ENTREP2: variants seen among roughly 807,000 people sequenced by gnomAD.
ENTREP2 encodes protein ENTREP2.
the ENTREP2 span, among the ~76,000 whole-genome samples, chr15:29,249,954 G>A: frequency 1.4e-4 from 21 of 152,066 alleles, no homozygotes; most frequent in South Asian, 4.1e-4. Context: ...ACCAGCTCTC[G>A]TGAGAACTCA....
the ENTREP2 span, among the ~76,000 whole-genome samples, chr15:29,141,525 C>T: frequency 2.6e-5 from 4 of 152,172 alleles, no homozygotes; most frequent in African/African-American, 4.8e-5. Context: ...CACCGTGGAG[C>T]TCTGAGCTGC....
At chr15:29,175,685 AC>A in the ENTREP2 span, among the ~76,000 whole-genome samples, 1 of 152,116 alleles carries the variant, frequency 6.6e-6, no homozygotes, top group Admixed American at 6.5e-5. Context: ...GCTCACAGCA[AC>A]CTCCACCTCC....
chr15:29,419,452 GA>G, the ENTREP2 span, among the ~76,000 whole-genome samples: 1 of 151,378 alleles, frequency 6.6e-6, no homozygotes, highest in Non-Finnish European at 1.5e-5. Context: ...ACCTAAGGAG[GA>G]AAAAAAAATT....
the ENTREP2 span, among the ~76,000 whole-genome samples, chr15:29,534,509 A>T: frequency 6.6e-6 from 1 of 152,226 alleles, no homozygotes; most frequent in Non-Finnish European, 1.5e-5. Context: ...ATACTTCTTA[A>T]ATGTCTATAA....
At chr15:29,128,328 C>T in the ENTREP2 span, among the ~76,000 whole-genome samples, 1 of 152,152 alleles carries the variant, frequency 6.6e-6, no homozygotes, top group Non-Finnish European at 1.5e-5. Context: ...CCCTTGCACA[C>T]GTGTCCTTCA....
chr15:29,608,789 G>A, the ENTREP2 span, among the ~76,000 whole-genome samples: 2 of 151,478 alleles, frequency 1.3e-5, no homozygotes, highest in South Asian at 4.2e-4. Flanking sequence ...GGATGGTCTC[G>A]ATCTCCTGAC....
At chr15:29,607,619 C>T in the ENTREP2 span, among the ~76,000 whole-genome samples, 1 of 152,098 alleles carries the variant, frequency 6.6e-6, no homozygotes, top group South Asian at 2.1e-4. Context: ...TGTCTCTCTG[C>T]CATGACTTGT....
At chr15:29,142,989 T>C in the ENTREP2 span, among the ~76,000 whole-genome samples, 1 of 152,216 alleles carries the variant, frequency 6.6e-6, no homozygotes, top group African/African-American at 2.4e-5. Flanking sequence ...CATATTAGAG[T>C]AGCTCAGCTT....
chr15:29,174,707 C>A, the ENTREP2 span, among the ~76,000 whole-genome samples: 43,743 of 136,350 alleles, frequency 0.32, 8,274 homozygotes, highest in East Asian at 0.62. Context: ...CAAAACAAAA[C>A]AACAAAAAAA....
chr15:29,181,831 C>G, the ENTREP2 span, among the ~76,000 whole-genome samples: 1 of 152,146 alleles, frequency 6.6e-6, no homozygotes, highest in African/African-American at 2.4e-5. Context: ...TTCCCTTCAT[C>G]TGGCAAATAA....
chr15:29,290,961 C>T, the ENTREP2 span, among the ~76,000 whole-genome samples: 1 of 152,204 alleles, frequency 6.6e-6, no homozygotes, highest in African/African-American at 2.4e-5. Context: ...CCATGTGCCC[C>T]CCTGCAGTTC....
chr15:29,145,622 C>CAAAAAAAAAAAAAA, the ENTREP2 span, among the ~76,000 whole-genome samples: 1 of 58,252 alleles, frequency 1.7e-5, no homozygotes, highest in Non-Finnish European at 3.0e-5. Flanking sequence ...GACTCCATCT[C>CAAAAAAAAAAAAAA]AAAAAAAAAA....
At chr15:29,441,017 T>C in the ENTREP2 span, among the ~76,000 whole-genome samples, 55,780 of 152,118 alleles carry the variant, frequency 0.37, 12,427 homozygotes, top group African/African-American at 0.64. Context: ...TGTACCCCCA[T>C]GTTCACGGCA....
chr15:29,494,098 C>T, the ENTREP2 span, among the ~76,000 whole-genome samples: 8 of 151,622 alleles, frequency 5.3e-5, no homozygotes, highest in East Asian at 7.7e-4. Flanking sequence ...TAACAAGGAT[C>T]GAAAAGAGAC....
the ENTREP2 span, among the ~76,000 whole-genome samples, chr15:29,579,056 T>C: frequency 1.3e-5 from 2 of 152,172 alleles, no homozygotes; most frequent in African/African-American, 4.8e-5. Context: ...AGAGGTGTTT[T>C]GCCTTTAGGG....
chr15:29,159,092 A>G, the ENTREP2 span, among the ~76,000 whole-genome samples: 5 of 152,306 alleles, frequency 3.3e-5, no homozygotes, highest in South Asian at 1.0e-3. Context: ...CACTGACTTC[A>G]AGAACGAAGC....
chr15:29,406,046 C>A, the ENTREP2 span, among the ~76,000 whole-genome samples: 3 of 152,152 alleles, frequency 2.0e-5, no homozygotes, highest in South Asian at 2.1e-4. Flanking sequence ...CTATTTAAAT[C>A]GGTTTTTATA....
At chr15:29,467,525 T>C in the ENTREP2 span, among the ~76,000 whole-genome samples, 1 of 152,122 alleles carries the variant, frequency 6.6e-6, no homozygotes, top group East Asian at 1.9e-4. Flanking sequence ...GAACACAGTG[T>C]GAGATGCAGG....
At chr15:29,649,839 G>A in the ENTREP2 span, among the ~76,000 whole-genome samples, 2 of 152,020 alleles carry the variant, frequency 1.3e-5, no homozygotes, top group South Asian at 4.1e-4. Context: ...ATGGAGCAAG[G>A]ATGGCCTCTT....
Sources: gnomAD v4.1 joint callset for allele counts (sites outside exome capture counted in the v4.1 genomes callset) on GRCh38, gnomAD v4.1.1 for gene constraint, MANE v1.5 for transcripts, NCBI Gene and HGNC (gene_info 2026-07-23, HGNC 2026-07-21) for gene names.